ATXN10: variants seen among roughly 807,000 people sequenced by gnomAD.
ATXN10 encodes ataxin-10.
A neutral mutation model predicts 52.9 loss-of-function variants in ATXN10; 28 were observed. The ratio of observed to expected loss-of-function variants is 0.53; its 90% CI spans 0.39 to 0.73. The LOEUF is 0.73. Among genes scored for constraint, ATXN10 ranks in the 30% least tolerant of loss-of-function variants. The pLI is 0.00. For synonymous variants in ATXN10, 226 were observed against 221.5 expected (o/e 1.02, Z -0.18); for missense variants, 565 against 577.0 (o/e 0.98, Z 0.21).
Position 45,823,444 on chromosome 22 carries a change from C to T in ATXN10, c.1237+16422C>T, listed in dbSNP as rs553926583. Among the ~76,000 whole-genome samples, 7 of 151,676 alleles carry T rather than the reference C, an allele frequency of 4.6e-5. No individual in the cohort carries two copies. Among genetic ancestry groups the T allele is most frequent in the Non-Finnish European group, 8.8e-5 (6 of 67,940 alleles). On this transcript the variant is annotated intron_variant, in intron 10 of 11. Coordinates refer to ENST00000252934, the MANE Select transcript of ATXN10 (RefSeq NM_013236.4). The surrounding 1 kb of genome is among the most constrained non-coding windows in gnomAD (Gnocchi z 4.9). ...AGGGATTCTGTCTTTTTTTAATTTC[C>T]CCTGCGATTATGCAGTTGTTTCCGT...
At chr22:45,799,864 A>G (rs886484759) in intron 9 of ATXN10, among the ~76,000 whole-genome samples, 2 of 152,228 alleles carry the variant, frequency 1.3e-5, no homozygotes, top group African/African-American at 4.8e-5. Context: ...ATATAGATGT[A>G]TATACCAGTG....
chr22:45,720,798 C>T (rs1364459627), intron 6 of ATXN10, among the ~76,000 whole-genome samples: 1 of 152,168 alleles, frequency 6.6e-6, no homozygotes, highest in African/African-American at 2.4e-5. Context: ...GCTGCCATAA[C>T]AGAGTCCTGG....
At chr22:45,721,722 A>G (rs538418860) in intron 6 of ATXN10, among the ~76,000 whole-genome samples, 1 of 152,290 alleles carries the variant, frequency 6.6e-6, no homozygotes, top group African/African-American at 2.4e-5. Flanking sequence ...AGCCCTTGTC[A>G]TTTAATCCTC....
At position 45,762,338 on chromosome 22, in the gene ATXN10, C is replaced by T. The variant is rs1205074720; in HGVS notation, c.1173+21800C>T. 2.6e-5 allele frequency among the ~76,000 whole-genome samples: 4 copies of T among 152,164 alleles called. No homozygotes were observed. The South Asian group carries it at 6.2e-4, about 24-fold the overall frequency. ...GGGCCTGACCCAGGGTAGGCACTCC[C>T]GCTTCATGACTACATCTCATTTTTT... On this transcript the variant is annotated intron_variant, in intron 9 of 11. Transcript: ENST00000252934. The surrounding 1 kb of genome is among the most constrained non-coding windows in gnomAD (Gnocchi z 4.3).
In ATXN10 at chr22:45,706,169, A is replaced by G. The variant is rs577131757; in HGVS notation, c.647+3322A>G. The stretch of plus-strand genomic sequence containing the variant: ...CCTGGTGCCAAAAAGGTTGGGGACC[A>G]CTGGTCTAGGCTGTCTAATTTGTTG... On this transcript the variant is annotated intron_variant, in intron 5 of 11. Transcript: ENST00000252934. Among the ~76,000 whole-genome samples the G allele has an allele frequency of 1.1e-4, 17 of 152,334 alleles. No homozygotes were observed. In the South Asian group the frequency reaches 2.1e-3, roughly 19 times the overall value.
Position 45,783,291 on chromosome 22 carries a change from C to T in ATXN10, c.1174-23668C>T, listed in dbSNP as rs1478311665. On this transcript the variant is annotated intron_variant, in intron 9 of 11. Transcript: ENST00000252934. The surrounding 1 kb of genome is among the most constrained non-coding windows in gnomAD (Gnocchi z 5.0). Reference sequence around the variant, plus strand: ...TGGGAGGGATGGTGAGAGATTTTCTCATGCTCCTCAGCATGGTGCACAACT... The same window carrying T: ...TGGGAGGGATGGTGAGAGATTTTCTTATGCTCCTCAGCATGGTGCACAACT... Among the ~76,000 whole-genome samples, 2 of 152,210 alleles carry T rather than the reference C, an allele frequency of 1.3e-5. No individual in the cohort carries two copies. The highest frequency in any genetic ancestry group is 3.8e-4 in the East Asian group (2 of 5,200).
At chr22:45,814,189 A>G (rs1286665803) in intron 10 of ATXN10, among the ~76,000 whole-genome samples, 1 of 152,254 alleles carries the variant, frequency 6.6e-6, no homozygotes, top group East Asian at 1.9e-4. Context: ...CTAACTTAAA[A>G]ACACTAACTG....
At chr22:45,822,424 T>A (rs180695388) in intron 10 of ATXN10, among the ~76,000 whole-genome samples, 1 of 152,272 alleles carries the variant, frequency 6.6e-6, no homozygotes, top group Admixed American at 6.5e-5. Context: ...GAAAGCTCCT[T>A]TCACTCTGCC....
At chr22:45,723,240 CAT>C (rs1266395053) in intron 6 of ATXN10, among the ~76,000 whole-genome samples, 4 of 151,758 alleles carry the variant, frequency 2.6e-5, no homozygotes, top group Admixed American at 2.0e-4. Flanking sequence ...TTTATATAGA[CAT>C]AAAATTTCAG....
chr22:45,709,854 A>G (rs1334777513), intron 5 of ATXN10, among the ~76,000 whole-genome samples: 3 of 152,200 alleles, frequency 2.0e-5, no homozygotes, highest in Admixed American at 2.0e-4. Context: ...TTTATCCTTC[A>G]GTAACTGGTA....
At position 45,700,292 on chromosome 22, in the gene ATXN10, T is replaced by TACAG. The variant is rs754253984; in HGVS notation, c.402_403insACAG (p.Gly135ThrfsTer14). On this transcript the variant is annotated frameshift_variant, in exon 4 of 12. Transcript: ENST00000252934. LOFTEE classifies it high-confidence loss of function. ...TTTATATATTCTTAGCTTTTCGCTG[T>TACAG]GGCCTGCAGTTTTTAGGCAACATTG... The TACAG allele has an allele frequency of 8.7e-6, 14 of 1,612,194 alleles. No homozygotes were observed. Among genetic ancestry groups the TACAG allele is most frequent in the Non-Finnish European group, 1.2e-5 (14 of 1,178,392 alleles).
At chr22:45,745,517 T>C (rs1925694318) in intron 9 of ATXN10, among the ~76,000 whole-genome samples, 2 of 152,216 alleles carry the variant, frequency 1.3e-5, no homozygotes, top group South Asian at 4.1e-4. Flanking sequence ...TGCCTATAAA[T>C]CTTTTACTAT....
At chr22:45,778,223 A>G (rs1927027691) in intron 9 of ATXN10, among the ~76,000 whole-genome samples, 1 of 152,242 alleles carries the variant, frequency 6.6e-6, no homozygotes, top group African/African-American at 2.4e-5. Context: ...CATGTTCTGT[A>G]ACCTCTTTGT....
intron 1 of ATXN10, among the ~76,000 whole-genome samples, chr22:45,686,932 A>T (rs899276274): frequency 2.6e-5 from 4 of 152,162 alleles, no homozygotes; most frequent in Non-Finnish European, 5.9e-5. Flanking sequence ...AAGATTGGCG[A>T]AATCGGGGGT....
In ATXN10 at chr22:45,786,086, T is replaced by A. The variant is rs947966815; in HGVS notation, c.1174-20873T>A. On this transcript the variant is annotated intron_variant, in intron 9 of 11. Transcript: ENST00000252934. This position sits in a 1 kb window ranked among gnomAD's most constrained non-coding sequence, Gnocchi z 4.1. The stretch of plus-strand genomic sequence containing the variant: ...ACAAAGATTTTATCTGCTAGTTGAA[T>A]AATTCATGAGAAAATTGCACTAAAT... Among the ~76,000 whole-genome samples the A allele has an allele frequency of 6.6e-5, 10 of 152,230 alleles. No individual in the cohort carries two copies. Among genetic ancestry groups the A allele is most frequent in the Non-Finnish European group, 1.3e-4 (9 of 68,038 alleles).
Position 45,780,423 on chromosome 22 carries a change from T to C in ATXN10, c.1174-26536T>C, listed in dbSNP as rs1041804949. ...ATGAGAGCAGGGTGTGAAAGCCCCC[T>C]TGTTGCCTGTTTCAGAATTTATGCA... is the stretch of plus-strand genomic sequence containing the variant. On this transcript the variant is annotated intron_variant, in intron 9 of 11. Coordinates refer to ENST00000252934, the MANE Select transcript of ATXN10 (RefSeq NM_013236.4). This position sits in a 1 kb window ranked among gnomAD's most constrained non-coding sequence, Gnocchi z 4.0. 6.6e-6 allele frequency among the ~76,000 whole-genome samples: 1 copy of C among 152,198 alleles called. No homozygotes were observed. The highest frequency in any genetic ancestry group is 2.4e-5 in the African/African-American group (1 of 41,460).
At position 45,754,707 on chromosome 22, in the gene ATXN10, T is replaced by A. The variant is rs1926113194; in HGVS notation, c.1173+14169T>A. On this transcript the variant is annotated intron_variant, in intron 9 of 11. Transcript: ENST00000252934. This position sits in a 1 kb window ranked among gnomAD's most constrained non-coding sequence, Gnocchi z 5.4. ...GACTCTACTAAAAATACAAAAAAATTAGCCAGATATGGTGGCTCATGCCTG... is the reference window on the plus strand; with the variant it reads ...GACTCTACTAAAAATACAAAAAAATAAGCCAGATATGGTGGCTCATGCCTG... Among the ~76,000 whole-genome samples, 1 of 152,106 alleles carries A rather than the reference T, an allele frequency of 6.6e-6. No homozygotes were observed. Among genetic ancestry groups the A allele is most frequent in the African/African-American group, 2.4e-5 (1 of 41,432 alleles).
rs986894925 is a variant in ATXN10, at chr22:45,825,384, CTG to C, written c.1238-17605_1238-17604del. Among the ~76,000 whole-genome samples, 29 of 152,224 alleles carry C rather than the reference CTG, an allele frequency of 1.9e-4. No homozygotes were observed. The highest frequency in any genetic ancestry group is 6.5e-4 in the African/African-American group (27 of 41,536). ...TAAATACTAGGACATTGAAAAATAACTGTATATACAGGGAAAATTAGAAAGTC... is the reference window on the plus strand; with the variant it reads ...TAAATACTAGGACATTGAAAAATAACTATATACAGGGAAAATTAGAAAGTC... On this transcript the variant is annotated intron_variant, in intron 10 of 11. Coordinates refer to ENST00000252934, the MANE Select transcript of ATXN10 (RefSeq NM_013236.4). The surrounding 1 kb of genome is among the most constrained non-coding windows in gnomAD (Gnocchi z 4.5).
intron 9 of ATXN10, among the ~76,000 whole-genome samples, chr22:45,755,617 C>G (rs560118295): frequency 6.6e-6 from 1 of 152,242 alleles, no homozygotes; most frequent in South Asian, 2.1e-4. Context: ...ACCCCTGTGT[C>G]TTTTGGGGGA....
Sources: gnomAD v4.1 joint callset for allele counts (sites outside exome capture counted in the v4.1 genomes callset) on GRCh38, gnomAD v4.1.1 for gene constraint, Gnocchi (gnomAD v3.1) non-coding constraint, MANE v1.5 for transcripts, NCBI Gene and HGNC (gene_info 2026-07-23, HGNC 2026-07-21) for gene names.